SLC9B1: variants seen among roughly 807,000 people sequenced by gnomAD.
The protein encoded by SLC9B1 is sodium/hydrogen exchanger 9B1.
In SLC9B1, 32 loss-of-function variants were observed where a neutral mutation model predicts 51.7. The ratio of observed to expected loss-of-function variants is 0.62; its 90% CI spans 0.47 to 0.83. The LOEUF (loss-of-function observed/expected upper bound fraction) is 0.83. SLC9B1 is among the 40% of genes least tolerant of loss of function. The probability of loss-of-function intolerance (pLI) is 0.00; values close to 1 mark genes in which losing one functional copy is unlikely to be tolerated. For missense variants in SLC9B1, 406 were observed against 613.2 expected, an observed-to-expected ratio of 0.66 and a Z score of 3.57; for synonymous variants, 145 against 212.7, an observed-to-expected ratio of 0.68 and a Z score of 2.77.
At chr4:102,929,514 G>A (rs767836105) in intron 7 of SLC9B1, among the ~76,000 whole-genome samples, 2 of 152,072 alleles carry the variant, frequency 1.3e-5, no homozygotes, top group African/African-American at 2.4e-5. Context: ...CCGGCAAAAG[G>A]AAGAGGAATT....
intron 7 of SLC9B1, among the ~76,000 whole-genome samples, chr4:102,922,211 C>T (rs1398123278): frequency 6.6e-6 from 1 of 152,212 alleles, no homozygotes; most frequent in Non-Finnish European, 1.5e-5. Context: ...AACAAACTGT[C>T]TCTCAGACCA....
At chr4:102,925,710 A>AAAAAAG (rs1736129435) in intron 7 of SLC9B1, among the ~76,000 whole-genome samples, 2 of 150,316 alleles carry the variant, frequency 1.3e-5, no homozygotes, top group South Asian at 2.1e-4. Context: ...AAAAAAAAAA[A>AAAAAAG]GAAAGAAAAA....
intron 7 of SLC9B1, among the ~76,000 whole-genome samples, chr4:102,921,715 G>A (rs912253860): frequency 1.3e-5 from 2 of 152,146 alleles, no homozygotes; most frequent in African/African-American, 4.8e-5. Flanking sequence ...GATGGAGGAA[G>A]ATCTACCAAA....
intron 3 of SLC9B1, among the ~76,000 whole-genome samples, chr4:102,950,326 A>G (rs1737483495): frequency 6.6e-6 from 1 of 152,216 alleles, no homozygotes; most frequent in Non-Finnish European, 1.5e-5. Flanking sequence ...ATGTGTAGGA[A>G]GTAGAGGTAG....
chr4:102,902,154 A>G (rs1308722601), intron 11 of SLC9B1, among the ~76,000 whole-genome samples: 2 of 152,154 alleles, frequency 1.3e-5, no homozygotes, highest in Non-Finnish European at 2.9e-5. Flanking sequence ...TTAATAACAT[A>G]AAGCAAATTT....
chr4:102,945,363 C>CA lies in SLC9B1; in HGVS notation c.526-44dup, dbSNP rs747717315. On this transcript the variant is annotated intron_variant, in intron 5 of 11. Transcript: ENST00000296422. ...CACACTTAGATACATTTACAATGGCCAACAAGAAAATTATTTTAACAAATG... is the reference window on the plus strand; with the variant it reads ...CACACTTAGATACATTTACAATGGCCAAACAAGAAAATTATTTTAACAAATG... 18 of 1,475,034 alleles carry CA rather than the reference C, an allele frequency of 1.2e-5. 1 individual carries two copies. The highest frequency in any genetic ancestry group is 1.4e-5 in the Non-Finnish European group (15 of 1,104,764). The allele number at this position is 1,475,034 out of a possible 1,614,324, so 91.4% of individuals were successfully genotyped here.
rs147107137 is a variant in SLC9B1 at position 102,907,462 on chromosome 4, T to C, written c.1087-818A>G. Among the ~76,000 whole-genome samples the C allele has an allele frequency of 5.0e-3, 757 of 152,360 alleles. 3 individuals are homozygous for C. Among genetic ancestry groups the C allele is most frequent in the African/African-American group, 0.017 (713 of 41,594 alleles). ...TAGGCCTGCTTCCAAAGAACCCATG[T>C]TGAATATTTTAAAGTTACTTTTTCC... On this transcript the variant is annotated intron_variant, in intron 9 of 11. Transcript: ENST00000296422.
intron 3 of SLC9B1, among the ~76,000 whole-genome samples, chr4:102,955,891 AAGAAAGAAAGAG>A (rs780553440): frequency 0.044 from 6,124 of 138,678 alleles, 253 homozygotes; most frequent in African/African-American, 0.097. Context: ...GAAAGAAAGA[AAGAAAGAAAGAG>A]AGAGAAAGAC....
intron 1 of SLC9B1, among the ~76,000 whole-genome samples, chr4:103,015,863 G>T (rs1741289805): frequency 6.6e-6 from 1 of 151,996 alleles, no homozygotes; most frequent in South Asian, 2.1e-4. Flanking sequence ...GGGTGCGGTG[G>T]CTCACACCTG....
intron 7 of SLC9B1, among the ~76,000 whole-genome samples, 181 bp from the exon 8 acceptor site, chr4:102,911,718 T>C (rs1271862330): frequency 6.6e-6 from 1 of 152,120 alleles, no homozygotes; most frequent in African/African-American, 2.4e-5. Flanking sequence ...GTACGTTAAA[T>C]ATATACTCTC....
intron 1 of SLC9B1, among the ~76,000 whole-genome samples, chr4:103,016,309 T>C (rs968832003): frequency 1.3e-5 from 2 of 152,068 alleles, no homozygotes; most frequent in Admixed American, 1.3e-4. Context: ...TATTGGATTA[T>C]TCTCAGTCTA....
At chr4:102,968,935 C>T (rs745981930) in intron 3 of SLC9B1, among the ~76,000 whole-genome samples, 6 of 152,294 alleles carry the variant, frequency 3.9e-5, no homozygotes, top group East Asian at 1.9e-4. Flanking sequence ...TTACTGCTAG[C>T]GCAGCAGTCC....
intron 11 of SLC9B1, 59 bp downstream of exon 11, chr4:102,905,455 T>G: frequency 6.6e-7 from 1 of 1,506,164 alleles, no homozygotes; most frequent in Non-Finnish European, 9.1e-7. Flanking sequence ...CATTTTTCAT[T>G]TTAAATTTTA....
intron 1 of SLC9B1, among the ~76,000 whole-genome samples, chr4:103,003,915 G>T (rs1212210915): frequency 6.6e-6 from 1 of 152,050 alleles, no homozygotes; most frequent in African/African-American, 2.4e-5. Context: ...ACCCCCAAGG[G>T]CATCAAAGAA....
intron 6 of SLC9B1, among the ~76,000 whole-genome samples, chr4:102,935,800 G>A (rs572645767): frequency 3.9e-5 from 6 of 152,236 alleles, no homozygotes; most frequent in East Asian, 1.9e-4. Flanking sequence ...TAAAACTCAC[G>A]AAGATGCTGC....
At chr4:102,948,817 G>A (rs1307063387) in intron 4 of SLC9B1, among the ~76,000 whole-genome samples, 1 of 152,084 alleles carries the variant, frequency 6.6e-6, no homozygotes, top group African/African-American at 2.4e-5. Context: ...AGTCCAAAAG[G>A]AGAGAGGGTT....
chr4:102,965,402 G>C (rs1209618175), intron 3 of SLC9B1, among the ~76,000 whole-genome samples: 1 of 152,004 alleles, frequency 6.6e-6, no homozygotes, highest in Non-Finnish European at 1.5e-5. Context: ...TTGTACAATG[G>C]GTTGCTTTAT....
chr4:102,967,373 C>T (rs1275461834), intron 3 of SLC9B1, among the ~76,000 whole-genome samples: 1 of 152,226 alleles, frequency 6.6e-6, no homozygotes, highest in African/African-American at 2.4e-5. Context: ...TACAAATTTT[C>T]TGTCTTAGTC....
intron 11 of SLC9B1, among the ~76,000 whole-genome samples, chr4:102,905,119 AC>A (rs1734965475): frequency 6.6e-6 from 1 of 152,102 alleles, no homozygotes; most frequent in Admixed American, 6.6e-5. Flanking sequence ...ATGCGACTGC[AC>A]TCCAGTCTGG....
Sources: allele counts gnomAD v4.1 joint callset (sites outside exome capture counted in the v4.1 genomes callset), GRCh38; gene constraint gnomAD v4.1.1; transcripts MANE v1.5; gene names NCBI Gene and HGNC (gene_info 2026-07-23, HGNC 2026-07-21).